The following CCND3 variants were observed in gnomAD, a reference collection of about 807,000 sequenced individuals.
The protein encoded by CCND3 is G1/S-specific cyclin-D3.
Under a neutral mutation model 28.7 loss-of-function variants are expected in CCND3, and 9 were observed. The ratio of observed to expected loss-of-function variants is 0.31; its 90% CI spans 0.19 to 0.55. The LOEUF is 0.55. CCND3 is among the 20% of genes least tolerant of loss of function. The probability of loss-of-function intolerance (pLI) is 0.93; values close to 1 mark genes in which losing one functional copy is unlikely to be tolerated. For synonymous variants in CCND3, 164 were observed against 163.9 expected (o/e 1.00, Z 0.00); for missense variants, 315 against 385.8 (o/e 0.82, Z 1.54).
intron 1 of CCND3, among the ~76,000 whole-genome samples, chr6:42,039,128 C>T (rs1764302441): frequency 6.6e-6 from 1 of 152,172 alleles, no homozygotes. Context: ...GCCTGTGTTC[C>T]AACAAAAACT....
intron 1 of CCND3, among the ~76,000 whole-genome samples, chr6:41,950,678 A>G (rs994584603): frequency 2.6e-5 from 4 of 151,222 alleles, no homozygotes; most frequent in East Asian, 1.9e-4. Context: ...CATGCTGGAC[A>G]TGGGTCAGAG....
At chr6:42,011,881 C>A (rs1319809272) in intron 1 of CCND3, among the ~76,000 whole-genome samples, 1 of 152,122 alleles carries the variant, frequency 6.6e-6, no homozygotes, top group Non-Finnish European at 1.5e-5. Context: ...AGGAAATACA[C>A]CAGGAAAATG....
chr6:42,019,111 A>C (rs1368812715), intron 1 of CCND3, among the ~76,000 whole-genome samples: 1 of 152,166 alleles, frequency 6.6e-6, no homozygotes, highest in African/African-American at 2.4e-5. Flanking sequence ...TCTATAAATA[A>C]GTATATCATC....
At chr6:42,045,496 T>G (rs537951211) in intron 1 of CCND3, among the ~76,000 whole-genome samples, 1 of 152,184 alleles carries the variant, frequency 6.6e-6, no homozygotes, top group Non-Finnish European at 1.5e-5. Context: ...AGCTCCTAAG[T>G]GGCAATTACA....
intron 1 of CCND3, among the ~76,000 whole-genome samples, chr6:41,962,004 G>C (rs1256765117): frequency 6.6e-6 from 1 of 152,144 alleles, no homozygotes; most frequent in Non-Finnish European, 1.5e-5. Flanking sequence ...TCCACTCAGT[G>C]CTCAGGTGCT....
chr6:41,963,485 A>G (rs560099256), intron 1 of CCND3, among the ~76,000 whole-genome samples: 1 of 152,328 alleles, frequency 6.6e-6, no homozygotes, highest in South Asian at 2.1e-4. Flanking sequence ...AGTACACACA[A>G]TCTCACTGTC....
chr6:42,028,754 A>G (rs1379181429), intron 1 of CCND3, among the ~76,000 whole-genome samples: 5 of 152,206 alleles, frequency 3.3e-5, no homozygotes, highest in South Asian at 2.1e-4. Flanking sequence ...TTATCTGCAC[A>G]GTAGGGATAA....
intron 1 of CCND3, among the ~76,000 whole-genome samples, chr6:42,033,074 A>G (rs1407598229): frequency 1.3e-5 from 2 of 152,228 alleles, no homozygotes; most frequent in Non-Finnish European, 1.5e-5. Context: ...GCACGTTTTA[A>G]AAATGAAACA....
rs1202872573 is a variant in CCND3, at chr6:41,941,591, C to A, written c.59G>T (p.Arg20Leu). ...RHAPRAGPDP[R>L]LLGDQRVLQS... Reference sequence around the variant, plus strand: ...CAGGACACGCTGGTCCCCCAGCAGCCGCGGGTCCGGCCCGGCCCGGGGCGC... The same window carrying A: ...CAGGACACGCTGGTCCCCCAGCAGCAGCGGGTCCGGCCCGGCCCGGGGCGC... The change falls in exon 1 of 5, where the codon CGG becomes CTG. Residue 20 changes from arginine to leucine, a missense_variant. By Grantham distance (102) the Arg-to-Leu change is moderately radical. Transcript: ENST00000372991. The surrounding 1 kb of genome is among the most constrained non-coding windows in gnomAD (Gnocchi z 6.1). The A allele has an allele frequency of 1.3e-6, 2 of 1,546,118 alleles. No homozygotes were observed. Among genetic ancestry groups the A allele is most frequent in the Admixed American group, 4.0e-5 (2 of 50,274 alleles).
At chr6:41,972,214 C>T (rs1183155842) in intron 1 of CCND3, among the ~76,000 whole-genome samples, 192 of 83,040 alleles carry the variant, frequency 2.3e-3, no homozygotes, top group Non-Finnish European at 6.1e-4. Context: ...GGCAACAGAG[C>T]GAGACTCCAT....
intron 1 of CCND3, among the ~76,000 whole-genome samples, chr6:42,036,116 C>T (rs1764200470): frequency 6.6e-6 from 1 of 150,902 alleles, no homozygotes; most frequent in African/African-American, 2.4e-5. Context: ...CCTCCACCTC[C>T]CAAGTAGTTG....
chr6:41,942,241 C>T (rs1375803022), upstream of CCND3, among the ~76,000 whole-genome samples: 5 of 152,190 alleles, frequency 3.3e-5, no homozygotes, highest in African/African-American at 4.8e-5. Flanking sequence ...TACATCTTCA[C>T]GAAAACTCGG....
At chr6:42,027,885 T>C (rs1206702011) in intron 1 of CCND3, among the ~76,000 whole-genome samples, 1 of 152,088 alleles carries the variant, frequency 6.6e-6, no homozygotes, top group Non-Finnish European at 1.5e-5. Context: ...GTAGCTGGGA[T>C]TACAGGCTCC....
chr6:42,007,468 C>T (rs912109608), intron 1 of CCND3, among the ~76,000 whole-genome samples: 24 of 152,128 alleles, frequency 1.6e-4, no homozygotes, highest in African/African-American at 4.3e-4. Flanking sequence ...GACCTTTAAA[C>T]GGGCAATTTT....
intron 1 of CCND3, among the ~76,000 whole-genome samples, chr6:41,965,884 T>C (rs1420260639): frequency 3.3e-5 from 5 of 152,236 alleles, no homozygotes; most frequent in Non-Finnish European, 5.9e-5. Context: ...TGACCCATTA[T>C]GTACAGATTT....
At chr6:42,042,957 G>A (rs1454973005) in intron 1 of CCND3, among the ~76,000 whole-genome samples, 1 of 152,240 alleles carries the variant, frequency 6.6e-6, no homozygotes, top group East Asian at 1.9e-4. Context: ...ACCACTCCAT[G>A]AGAGATGGCA....
At chr6:41,948,532 C>T (rs1288102075) in intron 1 of CCND3, among the ~76,000 whole-genome samples, 1 of 151,980 alleles carries the variant, frequency 6.6e-6, no homozygotes. Flanking sequence ...ATGAATAAAA[C>T]AAACTGGATA....
At position 41,935,333 on chromosome 6, in the gene CCND3, T is replaced by A. The variant is rs1342046551; in HGVS notation, c.*607A>T. The A allele has an allele frequency of 4.3e-6, 1 of 234,798 alleles. No homozygotes were observed. Among genetic ancestry groups the A allele is most frequent in the South Asian group, 1.8e-4 (1 of 5,576 alleles). The allele number at this position is 234,798 out of a possible 1,614,324, so 14.5% of individuals were successfully genotyped here. On this transcript the variant is annotated 3_prime_UTR_variant, in exon 5 of 5. Transcript: ENST00000372991. ...AAATGAGCCTTCAGCAGCAAAGCTG[T>A]CAATCACACAGGAGAAGCTGAGCAG...
At chr6:42,044,978 GTA>G (rs1764497063) in intron 1 of CCND3, among the ~76,000 whole-genome samples, 1 of 63,236 alleles carries the variant, frequency 1.6e-5, no homozygotes, top group African/African-American at 6.0e-5. Context: ...TTTTTTTTTT[GTA>G]TTTTTAGTAG....
Sources: allele counts gnomAD v4.1 joint callset (sites outside exome capture counted in the v4.1 genomes callset), GRCh38; gene constraint gnomAD v4.1.1; non-coding constraint Gnocchi (gnomAD v3.1); transcripts MANE v1.5; gene names NCBI Gene and HGNC (gene_info 2026-07-23, HGNC 2026-07-21).